LRRD1: variants seen among roughly 807,000 people sequenced by gnomAD.
LRRD1 encodes the protein leucine rich repeats and death domain containing 1, also known as leucine-rich repeat and death domain-containing protein 1.
In LRRD1, 49 loss-of-function variants were observed where a neutral mutation model predicts 69.5. That is an observed-to-expected ratio of 0.70 (90% CI 0.56 to 0.89). LRRD1 has a LOEUF of 0.89. Ranked by LOEUF, LRRD1 falls within the 40% of genes least tolerant of loss-of-function variation. LRRD1 has a pLI of 0.00. For missense variants in LRRD1, 853 were observed against 956.0 expected (o/e 0.89, Z 1.42); for synonymous variants, 303 against 338.9 (o/e 0.89, Z 1.16).
At chr7:92,178,155 T>C (rs990609532) in intron 1 of LRRD1, among the ~76,000 whole-genome samples, 3 of 151,616 alleles carry the variant, frequency 2.0e-5, no homozygotes, top group Admixed American at 6.6e-5. Flanking sequence ...GTACTAAAAA[T>C]ACAAAAAATT....
chr7:92,167,472 T>A (rs1252888053), intron 1 of LRRD1, among the ~76,000 whole-genome samples: 1 of 152,226 alleles, frequency 6.6e-6, no homozygotes, highest in East Asian at 1.9e-4. Context: ...GAACTTTCTT[T>A]ACTATTATTG....
chr7:92,143,554 C>A (rs1156951660), downstream of LRRD1, among the ~76,000 whole-genome samples: 1 of 152,214 alleles, frequency 6.6e-6, no homozygotes, highest in East Asian at 1.9e-4. Context: ...TTGAGCACAG[C>A]AGCTGCTGGC....
Position 92,163,610 on chromosome 7 carries a change from A to G in LRRD1, c.1593T>C (p.Ser531=), listed in dbSNP as rs778813740. 19 of 1,521,822 alleles carry G rather than the reference A, an allele frequency of 1.2e-5. No individual in the cohort carries two copies. The highest frequency in any genetic ancestry group is 2.8e-5 in the African/African-American group (2 of 71,012). The allele number at this position is 1,521,822 out of a possible 1,614,324, so 94.3% of individuals were successfully genotyped here. Residue 531 remains serine, a synonymous_variant, in exon 2 of 6, where the codon TCT becomes TCC. Coordinates refer to ENST00000458448, the MANE Select transcript of LRRD1 (RefSeq NM_001161528.2). ...KLLIFSEHFC[S]LINLKYLDLG... ...GATCCAGGTATTTAAGATTAATAAGAGAACAAAAGTGCTCAGAAAATATGA... is the reference window on the plus strand; with the variant it reads ...GATCCAGGTATTTAAGATTAATAAGGGAACAAAAGTGCTCAGAAAATATGA...
rs1208634653 is a variant in LRRD1, at chr7:92,163,877, G to GTCTAGAA, written c.1325_1326insTTCTAGA (p.Ile443SerfsTer19). 1 of 1,520,112 alleles carries GTCTAGAA rather than the reference G, an allele frequency of 6.6e-7. No homozygotes were observed. Among genetic ancestry groups the GTCTAGAA allele is most frequent in the Non-Finnish European group, 8.8e-7 (1 of 1,137,186 alleles). 94.2% of individuals were successfully genotyped at this position (1,520,112 alleles called of 1,614,324 possible). ...TTCCTGAAAATTCTAGACTGCATAT[G>GTCTAGAA]TTATTAAGATGTGAGATACAGTCAG... is the stretch of plus-strand genomic sequence containing the variant. On this transcript the variant is annotated frameshift_variant, in exon 2 of 6. Coordinates refer to ENST00000458448, the MANE Select transcript of LRRD1 (RefSeq NM_001161528.2). LOFTEE classifies it high-confidence loss of function.
At chr7:92,144,749 TAA>T (rs1820273185), downstream of LRRD1, 3 of 465,822 alleles carry the variant, frequency 6.4e-6, no homozygotes, top group Non-Finnish European at 1.1e-5. Context: ...GTGATAGTTA[TAA>T]GTTGTCATCA....
At chr7:92,152,892 A>G (rs2130990305) in intron 3 of LRRD1, among the ~76,000 whole-genome samples, 1 of 152,080 alleles carries the variant, frequency 6.6e-6, no homozygotes, top group Admixed American at 6.5e-5. Context: ...CTGGTCTCAA[A>G]CTCCTGACCT....
At chr7:92,145,931 A>C (rs1394297132) in intron 5 of LRRD1, among the ~76,000 whole-genome samples, 152 bp downstream of exon 5, 1 of 152,220 alleles carries the variant, frequency 6.6e-6, no homozygotes. Flanking sequence ...TGGCCTTCCA[A>C]CATGGATCAC....
rs541373174 is a variant in LRRD1, at chr7:92,175,541, G to A, written c.-75+3466C>T. On this transcript the variant is annotated intron_variant, in intron 1 of 5. Transcript: ENST00000458448. ...CGCACGGCTGTAATCCCAGCTACTC[G>A]GGAGGCTGAGGCAGGAGAATCGCCT... 1.1e-4 allele frequency among the ~76,000 whole-genome samples: 16 copies of A among 152,208 alleles called. No homozygotes were observed. The East Asian group carries it at 2.7e-3, about 26-fold the overall frequency.
At chr7:92,157,029 C>CTTTTTTT (rs34543093) in intron 3 of LRRD1, among the ~76,000 whole-genome samples, 3 of 111,812 alleles carry the variant, frequency 2.7e-5, no homozygotes, top group Non-Finnish European at 3.6e-5. Context: ...ATGATATTTG[C>CTTTTTTT]TTTTTTTTTT....
intron 1 of LRRD1, among the ~76,000 whole-genome samples, chr7:92,177,771 A>G (rs1253094515): frequency 6.6e-6 from 1 of 152,146 alleles, no homozygotes; most frequent in Non-Finnish European, 1.5e-5. Context: ...TCTCTAAACT[A>G]TTTTATCAGT....
intron 1 of LRRD1, among the ~76,000 whole-genome samples, chr7:92,166,018 G>T (rs1423184900): frequency 6.6e-6 from 1 of 152,102 alleles, no homozygotes; most frequent in African/African-American, 2.4e-5. Flanking sequence ...ATTTTCCTGG[G>T]GGTAGAAGTG....
At chr7:92,162,893 G>A (rs1788820111) in intron 2 of LRRD1, among the ~76,000 whole-genome samples, 3 of 152,088 alleles carry the variant, frequency 2.0e-5, no homozygotes, top group African/African-American at 2.4e-5. Flanking sequence ...TTGTGTCAAC[G>A]TATGCCCGTA....
At chr7:92,144,628 CAAAA>C (rs61338977), downstream of LRRD1, among the ~76,000 whole-genome samples, 222 of 85,826 alleles carry the variant, frequency 2.6e-3, 1 homozygote, top group African/African-American at 8.0e-3. Flanking sequence ...AACTCCATCT[CAAAA>C]AAAAAAAAAA....
Position 92,164,966 on chromosome 7 carries a change from T to C in LRRD1, c.237A>G (p.Glu79=). ...SSSGRKSKRN[E]EQKKNLQFSE... ...AAAATTGAAGATTTTTCTTTTGTTC[T>C]TCATTTCTCTTAGACTTCCTTCCAG... The change falls in exon 2 of 6, where the codon GAA becomes GAG. Residue 79 remains glutamate (E), a synonymous_variant. Coordinates refer to ENST00000458448, the MANE Select transcript of LRRD1 (RefSeq NM_001161528.2). 2 of 1,551,442 alleles carry C rather than the reference T, an allele frequency of 1.3e-6. No individual in the cohort carries two copies. The highest frequency in any genetic ancestry group is 1.7e-6 in the Non-Finnish European group (2 of 1,146,906).
intron 4 of LRRD1, among the ~76,000 whole-genome samples, chr7:92,148,936 A>T (rs984704947): frequency 6.6e-6 from 1 of 152,066 alleles, no homozygotes; most frequent in African/African-American, 2.4e-5. Flanking sequence ...TCTAGTAGAG[A>T]TGGGGTTTCA....
intron 1 of LRRD1, among the ~76,000 whole-genome samples, chr7:92,176,699 G>T (rs1029891512): frequency 1.3e-5 from 2 of 151,902 alleles, no homozygotes; most frequent in African/African-American, 4.8e-5. Context: ...GAGTAGCTGG[G>T]ACTACAGGTG....
At chr7:92,162,502 G>T (rs569518213) in intron 2 of LRRD1, among the ~76,000 whole-genome samples, 4 of 152,058 alleles carry the variant, frequency 2.6e-5, no homozygotes, top group African/African-American at 9.6e-5. Context: ...TAATGTTTTA[G>T]TTATTAAAAA....
chr7:92,167,901 A>T (rs906874435), intron 1 of LRRD1, among the ~76,000 whole-genome samples: 226 of 141,514 alleles, frequency 1.6e-3, no homozygotes, highest in Admixed American at 2.2e-3. Flanking sequence ...AAAAAAAAAA[A>T]AAAAAAATAA....
At chr7:92,174,801 C>G (rs1229969028) in intron 1 of LRRD1, among the ~76,000 whole-genome samples, 1 of 151,848 alleles carries the variant, frequency 6.6e-6, no homozygotes, top group Non-Finnish European at 1.5e-5. Context: ...GTGGCTCACA[C>G]CTGTAATCCC....
Sources: gnomAD v4.1 joint callset for allele counts (sites outside exome capture counted in the v4.1 genomes callset) on GRCh38, gnomAD v4.1.1 for gene constraint, MANE v1.5 for transcripts, NCBI Gene and HGNC (gene_info 2026-07-23, HGNC 2026-07-21) for gene names.